Variants in GLS2 observed in about 807,000 individuals in gnomAD.
GLS2 encodes the protein glutaminase 2.
GLS2 carries 52 observed loss-of-function variants against 79.0 expected under a neutral mutation model. That is an observed-to-expected ratio of 0.66 (90% CI 0.53 to 0.83). GLS2 has a LOEUF of 0.83. Among genes scored for constraint, GLS2 ranks in the 40% least tolerant of loss-of-function variants. The pLI is 0.00. For missense variants in GLS2, 561 were observed against 764.8 expected, an observed-to-expected ratio of 0.73 and a Z score of 3.14; for synonymous variants, 238 against 280.8, an observed-to-expected ratio of 0.85 and a Z score of 1.52.
intron 14 of GLS2, 153 bp downstream of exon 14, chr12:56,473,075 G>C (rs867933176): frequency 2.9e-6 from 2 of 699,248 alleles, no homozygotes; most frequent in Middle Eastern, 4.0e-4. Context: ...ATTTTCAATA[G>C]AGACCAGGTT....
In GLS2 at chr12:56,480,278, G is replaced by A. The variant is rs375495214; in HGVS notation, c.282+10C>T. The A allele has an allele frequency of 9.6e-5, 155 of 1,610,414 alleles. No homozygotes were observed. Among genetic ancestry groups the A allele is most frequent in the Middle Eastern group, 1.6e-4 (1 of 6,076 alleles). ...GAATTAGGATCCTGAACAGGTAGAG[G>A]GCAACTTACAGTGGTGAACTTGTGG... On this transcript the variant is annotated intron_variant, in intron 2 of 17. Coordinates refer to ENST00000311966, the MANE Select transcript of GLS2 (RefSeq NM_013267.4).
At chr12:56,483,835 T>C (rs547707636) in intron 1 of GLS2, among the ~76,000 whole-genome samples, 129 of 152,316 alleles carry the variant, frequency 8.5e-4, no homozygotes, top group African/African-American at 2.7e-3. Context: ...AGTTCTTTAG[T>C]GCTAGCTTTA....
Position 56,473,580 on chromosome 12 carries a change from G to T in GLS2, c.1239C>A (p.Ala413=), listed in dbSNP as rs572977308. 1.2e-6 allele frequency: 2 copies of T among 1,610,756 alleles called. No individual in the cohort carries two copies. Among genetic ancestry groups the T allele is most frequent in the African/African-American group, 1.3e-5 (1 of 74,936 alleles). ...GQFAFHVGLP[A]KSAVSGAILL... ...GGATGGCTCCTGATACAGCTGACTT[G>T]GCTGGCAGGCCCACCTGGGGAACAG... The change falls in exon 13 of 18, where the codon GCC becomes GCA. Residue 413 remains alanine (A), a synonymous_variant. Coordinates refer to ENST00000311966, the MANE Select transcript of GLS2 (RefSeq NM_013267.4).
chr12:56,479,298 G>A, intron 3 of GLS2, 117 bp from the exon 4 acceptor site: 2 of 1,310,802 alleles, frequency 1.5e-6, no homozygotes, highest in East Asian at 2.5e-5. Flanking sequence ...GGGATCAACA[G>A]CTCTGTTACC....
At chr12:56,477,846 C>T in intron 6 of GLS2, 87 bp downstream of exon 6, 1 of 1,549,124 alleles carries the variant, frequency 6.5e-7, no homozygotes, top group Non-Finnish European at 8.8e-7. Context: ...TCAGGAAGGG[C>T]AGAGAAACAA....
intron 17 of GLS2, 30 bp from the exon 18 acceptor site, chr12:56,471,673 A>G: frequency 6.2e-7 from 1 of 1,613,446 alleles, no homozygotes; most frequent in Non-Finnish European, 8.5e-7. Context: ...GATCAGGCAA[A>G]GGAGACGTGG....
intron 2 of GLS2, 152 bp from the exon 3 acceptor site, chr12:56,480,053 G>A: frequency 9.0e-7 from 1 of 1,105,668 alleles, no homozygotes; most frequent in Non-Finnish European, 1.3e-6. Flanking sequence ...AGGGGATGGA[G>A]TAGCTCTGAA....
intron 1 of GLS2, among the ~76,000 whole-genome samples, chr12:56,483,083 CTTT>C (rs756613672): frequency 5.0e-5 from 7 of 141,246 alleles, no homozygotes; most frequent in Admixed American, 7.1e-5. Flanking sequence ...CTTTTTCTTT[CTTT>C]TTTTTTTTTT....
chr12:56,480,931 C>A (rs1020319811), intron 1 of GLS2, among the ~76,000 whole-genome samples: 1 of 152,118 alleles, frequency 6.6e-6, no homozygotes, highest in East Asian at 1.9e-4. Flanking sequence ...TTGAGCAGGT[C>A]GCTTAATATT....
At chr12:56,481,904 C>G (rs1870330335) in intron 1 of GLS2, among the ~76,000 whole-genome samples, 1 of 148,584 alleles carries the variant, frequency 6.7e-6, no homozygotes, top group Non-Finnish European at 1.5e-5. Flanking sequence ...AACAAACAAA[C>G]AAAAACTTGG....
At position 56,487,821 on chromosome 12, in the gene GLS2, G is replaced by C. The variant is rs1005710055; in HGVS notation, c.182+116C>G. The C allele has an allele frequency of 3.3e-6, 4 of 1,218,274 alleles. No individual in the cohort carries two copies. The African/African-American group carries it at 6.2e-5, about 19-fold the overall frequency. 75.5% of individuals were successfully genotyped at this position (1,218,274 alleles called of 1,614,324 possible). ...CCAAAGGAAAAGGCACCGAGGGCTA[G>C]TGAGCGAGGAGAGGGGAGATGAGCG... On this transcript the variant is annotated intron_variant, in intron 1 of 17. Coordinates refer to ENST00000311966, the MANE Select transcript of GLS2 (RefSeq NM_013267.4).
chr12:56,484,550 A>G (rs765268740), intron 1 of GLS2, among the ~76,000 whole-genome samples: 2 of 152,174 alleles, frequency 1.3e-5, no homozygotes, highest in Non-Finnish European at 2.9e-5. Context: ...GGTTGTCACA[A>G]TGAAGCTAAT....
intron 15 of GLS2, 63 bp from the exon 16 acceptor site, chr12:56,472,258 G>A: frequency 7.0e-7 from 1 of 1,432,892 alleles, no homozygotes; most frequent in Non-Finnish European, 9.8e-7. Context: ...GGTGTTCTTT[G>A]TGAACTGGTG....
At chr12:56,476,095 A>G (rs1869783461) in intron 7 of GLS2, 118 bp from the exon 8 acceptor site, 2 of 890,518 alleles carry the variant, frequency 2.2e-6, no homozygotes, top group Non-Finnish European at 3.6e-6. Context: ...AAATGTGTTC[A>G]ATTTTATAAT....
chr12:56,471,198 G>C lies in GLS2; in HGVS notation c.*289C>G, dbSNP rs1869229407. ...TCAGGGAGAGGAAGAGGAGACCTGG[G>C]TGAAGAGCTGGGATGGTTTTGAGTG... On this transcript the variant is annotated 3_prime_UTR_variant, in exon 18 of 18. Coordinates refer to ENST00000311966, the MANE Select transcript of GLS2 (RefSeq NM_013267.4). 1 of 435,330 alleles carries C rather than the reference G, an allele frequency of 2.3e-6. No individual in the cohort carries two copies. The highest frequency in any genetic ancestry group is 8.3e-5 in the South Asian group (1 of 12,034). The allele number at this position is 435,330 out of a possible 1,614,324, so 27.0% of individuals were successfully genotyped here.
chr12:56,478,294 G>A, intron 4 of GLS2, 32 bp from the exon 5 acceptor site: 1 of 1,601,460 alleles, frequency 6.2e-7, no homozygotes, highest in African/African-American at 1.3e-5. Flanking sequence ...AAAGGGAGAT[G>A]GATGTGGAGA....
At chr12:56,476,267 A>T in intron 7 of GLS2, 1 of 375,366 alleles carries the variant, frequency 2.7e-6, no homozygotes, top group South Asian at 2.9e-5. Flanking sequence ...GGCTCAAGCG[A>T]TCCTCCCACT....
rs1418351242 is a variant in GLS2 at position 56,471,545 on chromosome 12, G to A, written c.1751C>T (p.Thr584Ile). The change falls in exon 18 of 18, where the codon ACT becomes ATT. Residue 584 changes from threonine to isoleucine, a missense_variant. By Grantham distance (89) the Thr-to-Ile change is moderately conservative (BLOSUM62 -1). Transcript: ENST00000311966. ...GGCCTCAGCTGCTGCCTCAGCCTGA[G>A]TTTCAGAGAGTGTGTAGGAGTCCTG... ...DYQDSYTLSE[T>I]QAEAAAEALS... 1.2e-6 allele frequency: 2 copies of A among 1,614,056 alleles called. No individual in the cohort carries two copies. The highest frequency in any genetic ancestry group is 2.2e-5 in the East Asian group (1 of 44,896).
At chr12:56,487,775 G>A (rs938286169) in intron 1 of GLS2, among the ~76,000 whole-genome samples, 162 bp downstream of exon 1, 16 of 152,256 alleles carry the variant, frequency 1.1e-4, no homozygotes, top group African/African-American at 3.9e-4. Context: ...GCCCGAGCGC[G>A]GCGCACCCAA....
Sources: allele counts gnomAD v4.1 joint callset (sites outside exome capture counted in the v4.1 genomes callset), GRCh38; gene constraint gnomAD v4.1.1; transcripts MANE v1.5; gene names NCBI Gene and HGNC (gene_info 2026-07-23, HGNC 2026-07-21).